The following MMD variants were observed in gnomAD, a reference collection of about 807,000 sequenced individuals.
The protein encoded by MMD is monocyte to macrophage differentiation associated, also known as monocyte to macrophage differentiation factor.
A neutral mutation model predicts 33.6 loss-of-function variants in MMD; 22 were observed. The ratio of observed to expected loss-of-function variants is 0.66; its 90% CI spans 0.47 to 0.94. The LOEUF (loss-of-function observed/expected upper bound fraction) is 0.94, where lower values mean the gene tolerates loss of function less well. MMD is among the 40% of genes least tolerant of loss of function. MMD has a pLI of 0.00. For synonymous variants in MMD, 97 were observed against 103.2 expected (o/e 0.94, Z 0.36); for missense variants, 242 against 309.8 (o/e 0.78, Z 1.64).
rs1342801578 is a variant in MMD at position 55,394,058 on chromosome 17, T to C, written c.*276A>G. The C allele has an allele frequency of 4.0e-6, 1 of 247,156 alleles. No individual in the cohort carries two copies. Among genetic ancestry groups the C allele is most frequent in the Admixed American group, 5.5e-5 (1 of 18,316 alleles). 15.3% of individuals were successfully genotyped at this position (247,156 alleles called of 1,614,324 possible). On this transcript the variant is annotated 3_prime_UTR_variant, in exon 7 of 7. Coordinates refer to ENST00000262065, the MANE Select transcript of MMD (RefSeq NM_012329.3). ...TGTAGTAAAATCTGTAAAATTAAAA[T>C]ATAAAAGTCTGGTTTGTAAACATCA... is the stretch of plus-strand genomic sequence containing the variant.
intron 1 of MMD, among the ~76,000 whole-genome samples, chr17:55,417,949 C>T (rs1908033513): frequency 6.6e-6 from 1 of 152,236 alleles, no homozygotes; most frequent in Non-Finnish European, 1.5e-5. Context: ...CTCACTACCC[C>T]TCCAGTCTCA....
Position 55,398,427 on chromosome 17 carries a change from T to C in MMD, c.516+3042A>G, listed in dbSNP as rs371502761. Among the ~76,000 whole-genome samples, 10 of 152,090 alleles carry C rather than the reference T, an allele frequency of 6.6e-5. No individual in the cohort carries two copies. The East Asian group carries it at 1.9e-3, about 29-fold the overall frequency. On this transcript the variant is annotated intron_variant, in intron 6 of 6. Coordinates refer to ENST00000262065, the MANE Select transcript of MMD (RefSeq NM_012329.3). The stretch of plus-strand genomic sequence containing the variant: ...CCTCATCTGTTTTAAACTCCCTGTG[T>C]GTGAATCTCAGTATCTCTCCCGTCT...
rs1908200537 is a variant in MMD at position 55,421,740 on chromosome 17, G to A, written c.-45C>T. The A allele has an allele frequency of 6.4e-7, 1 of 1,563,728 alleles. No individual in the cohort carries two copies. The highest frequency in any genetic ancestry group is 8.6e-7 in the Non-Finnish European group (1 of 1,158,794). On this transcript the variant is annotated 5_prime_UTR_variant, in exon 1 of 7. Coordinates refer to ENST00000262065, the MANE Select transcript of MMD (RefSeq NM_012329.3). ...GGGGGCCAGGAGCTCCGTCTCGTCA[G>A]CACCGGCGGCCGGGCGCGCGGCCCT...
intron 2 of MMD, 137 bp downstream of exon 2, chr17:55,414,014 C>A: frequency 1.3e-6 from 1 of 793,726 alleles, no homozygotes; most frequent in Non-Finnish European, 2.1e-6. Context: ...TGACACGACC[C>A]AGAACTGATT....
chr17:55,410,700 C>T (rs1907726399), intron 3 of MMD, among the ~76,000 whole-genome samples: 1 of 152,338 alleles, frequency 6.6e-6, no homozygotes, highest in East Asian at 1.9e-4. Flanking sequence ...TACCTTCATA[C>T]CTCACACACT....
intron 6 of MMD, among the ~76,000 whole-genome samples, chr17:55,396,441 C>G (rs951132582): frequency 6.6e-6 from 1 of 152,100 alleles, no homozygotes; most frequent in Non-Finnish European, 1.5e-5. Flanking sequence ...GTATTGAAGC[C>G]TCCCGTCTTG....
chr17:55,401,102 C>T (rs1907309356), intron 6 of MMD, among the ~76,000 whole-genome samples: 1 of 152,180 alleles, frequency 6.6e-6, no homozygotes, highest in Admixed American at 6.5e-5. Context: ...GAATTTATAG[C>T]TTTCCCAAAC....
intron 1 of MMD, among the ~76,000 whole-genome samples, chr17:55,417,316 C>T (rs1908002579): frequency 6.6e-6 from 1 of 152,096 alleles, no homozygotes; most frequent in South Asian, 2.1e-4. Flanking sequence ...TCCATCTCTA[C>T]AAAAATACAA....
chr17:55,405,325 G>T (rs960490721), intron 4 of MMD, among the ~76,000 whole-genome samples: 3 of 150,542 alleles, frequency 2.0e-5, no homozygotes, highest in Non-Finnish European at 2.9e-5. Flanking sequence ...AGCCAAGATC[G>T]CGCCATTGCA....
chr17:55,411,164 C>T (rs1433648556), intron 3 of MMD, 93 bp downstream of exon 3: 7 of 1,379,904 alleles, frequency 5.1e-6, no homozygotes, highest in Non-Finnish European at 6.9e-6. Context: ...CTACTCTTTG[C>T]CCTACTTGAC....
At position 55,421,645 on chromosome 17, in the gene MMD, G is replaced by A. The variant is rs199565840; in HGVS notation, c.26+25C>T. The A allele has an allele frequency of 5.8e-5, 92 of 1,599,378 alleles. No homozygotes were observed. In the Middle Eastern group the frequency reaches 1.2e-3, roughly 20 times the overall value. ...GGAACCCGCTTCTGACACGGGCAGC[G>A]GGACCGGGACGCCATCCCTCTCACC... On this transcript the variant is annotated intron_variant, in intron 1 of 6. Coordinates refer to ENST00000262065, the MANE Select transcript of MMD (RefSeq NM_012329.3).
intron 1 of MMD, among the ~76,000 whole-genome samples, chr17:55,414,742 C>T (rs1488966451): frequency 6.6e-6 from 1 of 152,140 alleles, no homozygotes; most frequent in East Asian, 1.9e-4. Flanking sequence ...TTAAACCCTA[C>T]ATCCCATGAT....
chr17:55,412,238 G>A (rs7213162), intron 2 of MMD, among the ~76,000 whole-genome samples: 58,699 of 152,036 alleles, frequency 0.39, 12,077 homozygotes, highest in Non-Finnish European at 0.47. Context: ...CAAAAAGTCA[G>A]TTGTTGAAGT....
At position 55,402,696 on chromosome 17, in the gene MMD, T is replaced by C. The variant is rs554486317; in HGVS notation, c.446+1071A>G. On this transcript the variant is annotated intron_variant, in intron 5 of 6. Transcript: ENST00000262065. The stretch of plus-strand genomic sequence containing the variant: ...AGAAGGCCGGGAAAAGGAGAAAAGA[T>C]AGTTGCCTTTCTTGACTTCCTATTT... Among the ~76,000 whole-genome samples, 3 of 152,300 alleles carry C rather than the reference T, an allele frequency of 2.0e-5. No homozygotes were observed. In the South Asian group the frequency reaches 6.2e-4, roughly 32 times the overall value.
chr17:55,399,728 C>T (rs1205365197), intron 6 of MMD, among the ~76,000 whole-genome samples: 1 of 152,198 alleles, frequency 6.6e-6, no homozygotes, highest in Non-Finnish European at 1.5e-5. Context: ...TATCAAATTT[C>T]ATGATCTCTT....
chr17:55,421,474 G>C (rs904621210), intron 1 of MMD, among the ~76,000 whole-genome samples, 196 bp downstream of exon 1: 2 of 152,224 alleles, frequency 1.3e-5, no homozygotes, highest in Non-Finnish European at 2.9e-5. Flanking sequence ...GGTGAGGCAG[G>C]AGCTCCCATC....
At chr17:55,394,632 A>G in intron 6 of MMD, 98 bp from the exon 7 acceptor site, 1 of 1,022,292 alleles carries the variant, frequency 9.8e-7, no homozygotes, top group Non-Finnish European at 1.3e-6. Flanking sequence ...GATTTTCTAG[A>G]CAATGAAGAA....
intron 4 of MMD, chr17:55,404,554 C>A (rs1257824581): frequency 1.0e-6 from 1 of 985,120 alleles, no homozygotes; most frequent in Non-Finnish European, 1.2e-6. Flanking sequence ...GAACCTGGAA[C>A]AAAATTTTGA....
rs372759585 is a variant in MMD, at chr17:55,411,396, C to G, written c.130G>C (p.Val44Leu). 31 of 1,613,164 alleles carry G rather than the reference C, an allele frequency of 1.9e-5. No homozygotes were observed. In the African/African-American group the frequency reaches 3.6e-4, roughly 19 times the overall value. ...AGCCGATGGAGGAGGGCACTGCCCA[C>G]GATGGCCGGAACAATGAGGAACTGA... ...THAFLIVPAI[V>L]GSALLHRLSD... The change falls in exon 3 of 7, where the codon GTG becomes CTG. Residue 44 changes from valine (V) to leucine (L), a missense_variant. Coordinates refer to ENST00000262065, the MANE Select transcript of MMD (RefSeq NM_012329.3).
Sources: gnomAD v4.1 joint callset for allele counts (sites outside exome capture counted in the v4.1 genomes callset) on GRCh38, gnomAD v4.1.1 for gene constraint, MANE v1.5 for transcripts, NCBI Gene and HGNC (gene_info 2026-07-23, HGNC 2026-07-21) for gene names.